The following EDIL3 variants were observed in gnomAD, a reference collection of about 807,000 sequenced individuals.
EDIL3 encodes the protein EGF like and discoidin domains 3.
Under a neutral mutation model 67.4 loss-of-function variants are expected in EDIL3, and 37 were observed. The observed-to-expected ratio is 0.55, with a 90% CI of 0.42 to 0.72. EDIL3 has a LOEUF of 0.72. Ranked by LOEUF, EDIL3 falls within the 30% of genes least tolerant of loss-of-function variation. EDIL3 has a pLI of 0.00. For missense variants in EDIL3, 527 were observed against 586.3 expected, an observed-to-expected ratio of 0.90 and a Z score of 1.04; for synonymous variants, 195 against 196.3, an observed-to-expected ratio of 0.99 and a Z score of 0.05.
chr5:84,384,265 C>A, intron 1 of EDIL3, 43 bp downstream of exon 1: 1 of 1,599,658 alleles, frequency 6.3e-7, no homozygotes, highest in Admixed American at 1.7e-5. Context: ...CAGGGGACTC[C>A]CAGCCCATCC....
At chr5:84,254,046 A>T (rs767120595) in intron 2 of EDIL3, 38 bp downstream of exon 2, 5 of 1,540,942 alleles carry the variant, frequency 3.2e-6, no homozygotes, top group Admixed American at 2.0e-5. Flanking sequence ...CATGGAAATA[A>T]AAAGATAACT....
At chr5:84,085,249 G>T (rs371210700) in intron 6 of EDIL3, among the ~76,000 whole-genome samples, 1 of 152,176 alleles carries the variant, frequency 6.6e-6, no homozygotes, top group African/African-American at 2.4e-5. Context: ...ATTTAGAGGA[G>T]AAGAGGCATT....
At chr5:84,083,333 A>T (rs2112260452) in intron 6 of EDIL3, among the ~76,000 whole-genome samples, 1 of 152,220 alleles carries the variant, frequency 6.6e-6, no homozygotes, top group African/African-American at 2.4e-5. Flanking sequence ...AAAGCCTGGA[A>T]TTGGGAGTCC....
chr5:83,955,133 CATT>C (rs1475451534), intron 10 of EDIL3, among the ~76,000 whole-genome samples: 1 of 151,638 alleles, frequency 6.6e-6, no homozygotes, highest in Non-Finnish European at 1.5e-5. Context: ...GAAATATTGT[CATT>C]ATGCAATTAG....
At chr5:84,262,130 A>G (rs920479291) in intron 1 of EDIL3, among the ~76,000 whole-genome samples, 1 of 152,216 alleles carries the variant, frequency 6.6e-6, no homozygotes, top group Non-Finnish European at 1.5e-5. Flanking sequence ...TGAAAAGGAC[A>G]TTCGAAATGA....
intron 1 of EDIL3, among the ~76,000 whole-genome samples, chr5:84,287,163 G>T (rs77833848): frequency 1.1e-4 from 16 of 152,218 alleles, no homozygotes; most frequent in Admixed American, 3.3e-4. Flanking sequence ...ACGTTCTATT[G>T]AGCTAAAGCT....
chr5:84,234,840 C>A lies in EDIL3; in HGVS notation c.197-4956G>T, dbSNP rs147204569. ...ATCTAGTCATTAGTTATTTCCATAA[C>A]AAGAACTATGTATTATTGTATTCTG... On this transcript the variant is annotated intron_variant, in intron 2 of 10. Transcript: ENST00000296591. 5.9e-3 allele frequency among the ~76,000 whole-genome samples: 892 copies of A among 152,162 alleles called. 9 individuals carry two copies. The highest frequency in any genetic ancestry group is 0.02 in the African/African-American group (819 of 41,532).
chr5:84,281,433 T>C (rs1353486784), intron 1 of EDIL3, among the ~76,000 whole-genome samples: 5 of 152,222 alleles, frequency 3.3e-5, no homozygotes, highest in South Asian at 2.1e-4. Flanking sequence ...TCCACTATAG[T>C]GCATTTTAGA....
intron 9 of EDIL3, among the ~76,000 whole-genome samples, chr5:84,007,895 A>G (rs887223872): frequency 6.6e-6 from 1 of 152,214 alleles, no homozygotes; most frequent in African/African-American, 2.4e-5. Flanking sequence ...CCATCAGCAG[A>G]TAAATGGATA....
chr5:84,078,816 G>T (rs542607129), intron 6 of EDIL3: 1 of 152,274 alleles, frequency 6.6e-6, no homozygotes, highest in South Asian at 2.1e-4. Context: ...TAGGAATGTT[G>T]AATACAGAGG....
At chr5:84,014,535 C>G (rs1745566895) in intron 9 of EDIL3, among the ~76,000 whole-genome samples, 1 of 152,124 alleles carries the variant, frequency 6.6e-6, no homozygotes, top group South Asian at 2.1e-4. Flanking sequence ...GATCCAGCTA[C>G]TTGGGAGGCT....
intron 4 of EDIL3, among the ~76,000 whole-genome samples, chr5:84,170,776 A>G (rs1748798427): frequency 6.6e-6 from 1 of 151,884 alleles, no homozygotes; most frequent in South Asian, 2.1e-4. Context: ...AATCGGTTCT[A>G]TTTTATTTTA....
At chr5:84,250,760 CT>C (rs984876487) in intron 2 of EDIL3, among the ~76,000 whole-genome samples, 7 of 152,060 alleles carry the variant, frequency 4.6e-5, no homozygotes, top group African/African-American at 1.7e-4. Context: ...CAAAAAACAA[CT>C]TTTTCTAAGC....
intron 3 of EDIL3, among the ~76,000 whole-genome samples, chr5:84,205,148 C>T (rs1295854106): frequency 6.6e-6 from 1 of 151,428 alleles, no homozygotes; most frequent in Non-Finnish European, 1.5e-5. Flanking sequence ...AATCCTGGGC[C>T]CAACTGATCC....
At chr5:84,298,684 G>A (rs1044527576) in intron 1 of EDIL3, among the ~76,000 whole-genome samples, 2 of 152,118 alleles carry the variant, frequency 1.3e-5, no homozygotes, top group African/African-American at 2.4e-5. Context: ...TGTGGCAACT[G>A]GCTAGATTAC....
At chr5:84,053,455 G>T (rs1284997748) in intron 9 of EDIL3, among the ~76,000 whole-genome samples, 4 of 152,238 alleles carry the variant, frequency 2.6e-5, no homozygotes, top group Admixed American at 6.5e-5. Context: ...AAATAACTAA[G>T]ATCAGAGCAG....
chr5:84,155,313 T>G (rs1216230302), intron 4 of EDIL3, among the ~76,000 whole-genome samples: 2 of 152,360 alleles, frequency 1.3e-5, no homozygotes, highest in East Asian at 3.9e-4. Context: ...CGTCTTTTAA[T>G]ATATGGTTGC....
intron 1 of EDIL3, among the ~76,000 whole-genome samples, chr5:84,353,272 T>C (rs1014343527): frequency 2.0e-5 from 3 of 152,164 alleles, no homozygotes; most frequent in Non-Finnish European, 2.9e-5. Context: ...CCACCTATTA[T>C]AGACACACTT....
intron 10 of EDIL3, among the ~76,000 whole-genome samples, chr5:83,954,037 T>A (rs1452853073): frequency 6.6e-6 from 1 of 151,800 alleles, no homozygotes; most frequent in South Asian, 2.1e-4. Context: ...AGATTTAAAC[T>A]GTGAAAAAGT....
Sources: allele counts gnomAD v4.1 joint callset (sites outside exome capture counted in the v4.1 genomes callset), GRCh38; gene constraint gnomAD v4.1.1; transcripts MANE v1.5; gene names NCBI Gene and HGNC (gene_info 2026-07-23, HGNC 2026-07-21).